The following SCAF11 variants were observed in gnomAD, a reference collection of about 807,000 sequenced individuals.
SCAF11 encodes protein SCAF11.
A neutral mutation model predicts 140.5 loss-of-function variants in SCAF11; 47 were observed. The ratio of observed to expected loss-of-function variants is 0.33; its 90% CI spans 0.26 to 0.43. The LOEUF is 0.43. Ranked by LOEUF, SCAF11 falls within the 20% of genes least tolerant of loss-of-function variation. The pLI, the probability that SCAF11 is intolerant of heterozygous loss-of-function variation, is 1.00. For synonymous variants in SCAF11, 557 were observed against 579.4 expected (o/e 0.96, Z 0.55); for missense variants, 1,645 against 1,705.1 (o/e 0.96, Z 0.62).
chr12:45,968,659 C>T (rs1034513231), intron 1 of SCAF11, among the ~76,000 whole-genome samples: 2 of 152,004 alleles, frequency 1.3e-5, no homozygotes, highest in Non-Finnish European at 2.9e-5. Flanking sequence ...ATGGTAGTGA[C>T]GCAGGGCACA....
In SCAF11 at chr12:45,924,853, C is replaced by T. The variant is rs11574973; in HGVS notation, c.3781G>A (p.Val1261Met). Residue 1261 changes from valine (V) to methionine (M), a missense_variant, in exon 12 of 15, where the codon GTG becomes ATG. Around this residue, in one of 2 missense-constraint regions of SCAF11, gnomAD observed 1,582 missense variants for 1,609.2 expected, o/e 0.98. Coordinates refer to ENST00000369367, the MANE Select transcript of SCAF11 (RefSeq NM_004719.3). ...PQLPLHLHTG[V>M]PLMQVATPTS... Reference sequence around the variant, plus strand: ...GGAGTGGCTACCTGCATGAGGGGCACTCCTGTGTGGAGATGCAAGGGTAGC... The same window carrying T: ...GGAGTGGCTACCTGCATGAGGGGCATTCCTGTGTGGAGATGCAAGGGTAGC... 6.2e-7 allele frequency: 1 copy of T among 1,614,032 alleles called. No homozygotes were observed.
In SCAF11 at chr12:45,972,941, T is replaced by TATATAG. The variant is rs1565689124; in HGVS notation, c.-21-8754_-21-8753insCTATAT. Among the ~76,000 whole-genome samples, 20 of 108,580 alleles carry TATATAG rather than the reference T, an allele frequency of 1.8e-4. 1 individual carries two copies. Among genetic ancestry groups the TATATAG allele is most frequent in the South Asian group, 8.5e-4 (3 of 3,526 alleles). The allele number at this position is 108,580 out of a possible 152,430, so 71.2% of individuals were successfully genotyped here. A position where few individuals can be genotyped will look rare whatever the true frequency, so the allele number is the denominator to read the frequency against. Reference sequence around the variant, plus strand: ...ATATAGATATATAGATATATATAGATATATATATAGATATATAGATATATA... The same window carrying TATATAG: ...ATATAGATATATAGATATATATAGATATATAGATATATATAGATATATAGATATATA... On this transcript the variant is annotated intron_variant, in intron 1 of 14. Transcript: ENST00000369367.
Position 45,951,668 on chromosome 12 carries a change from T to G in SCAF11, c.279A>C (p.Ala93=). 3 of 1,589,068 alleles carry G rather than the reference T, an allele frequency of 1.9e-6. No individual in the cohort carries two copies. Among genetic ancestry groups the G allele is most frequent in the Non-Finnish European group, 2.6e-6 (3 of 1,164,514 alleles). The change falls in exon 4 of 15, where the codon GCA becomes GCC. Residue 93 remains alanine, a synonymous_variant. Transcript: ENST00000369367. ...KPFQAVFKFS[A]LEGYVKVQVK... Reference sequence around the variant, plus strand: ...GACTTACCTTAACATAACCTTCCAATGCACTGAATTTAAACACTGCCTGAA... The same window carrying G: ...GACTTACCTTAACATAACCTTCCAAGGCACTGAATTTAAACACTGCCTGAA...
chr12:45,930,444 TG>T (rs1433521802), intron 10 of SCAF11, among the ~76,000 whole-genome samples: 82 of 148,182 alleles, frequency 5.5e-4, no homozygotes, highest in African/African-American at 2.0e-3. Flanking sequence ...CGTTGTGTTT[TG>T]TTTTTTTTTT....
At chr12:45,985,640 A>G (rs768008525) in intron 1 of SCAF11, among the ~76,000 whole-genome samples, 34 of 152,354 alleles carry the variant, frequency 2.2e-4, no homozygotes, top group Middle Eastern at 6.8e-3. Flanking sequence ...AGGCTACCGA[A>G]AAGATCAAAT....
At chr12:45,937,135 ACTT>A (rs1038011322) in intron 6 of SCAF11, among the ~76,000 whole-genome samples, 112 of 152,056 alleles carry the variant, frequency 7.4e-4, no homozygotes, top group African/African-American at 2.6e-3. Flanking sequence ...CCTTTGTATT[ACTT>A]TTTTAAAAAT....
rs780807854 is a variant in SCAF11, at chr12:45,920,915, A to C, written c.*1133T>G. The C allele has an allele frequency of 6.6e-6, 1 of 152,218 alleles. No homozygotes were observed. Among genetic ancestry groups the C allele is most frequent in the Non-Finnish European group, 1.5e-5 (1 of 68,038 alleles). The allele number at this position is 152,218 out of a possible 1,614,324, so 9.4% of individuals were successfully genotyped here. On this transcript the variant is annotated 3_prime_UTR_variant, in exon 15 of 15. Coordinates refer to ENST00000369367, the MANE Select transcript of SCAF11 (RefSeq NM_004719.3). Reference sequence around the variant, plus strand: ...CAGCAATTCTCGAATTGGCACAAATAATTTATCGTCTGCAACGGGTAGAAG... The same window carrying C: ...CAGCAATTCTCGAATTGGCACAAATCATTTATCGTCTGCAACGGGTAGAAG...
In SCAF11 at chr12:45,990,525, G is replaced by A; in HGVS notation, c.-194C>T. 4 of 1,232,028 alleles carry A rather than the reference G, an allele frequency of 3.2e-6. No individual in the cohort carries two copies. Among genetic ancestry groups the A allele is most frequent in the Non-Finnish European group, 4.0e-6 (4 of 988,252 alleles). The allele number at this position is 1,232,028 out of a possible 1,614,324, so 76.3% of individuals were successfully genotyped here. ...TCGGTCCGGAGGCGGCGGCGAAGCA[G>A]GGAGCGACCCAGGTTGCGCTGCTCC... On this transcript the variant is annotated 5_prime_UTR_variant, in exon 1 of 15. Coordinates refer to ENST00000369367, the MANE Select transcript of SCAF11 (RefSeq NM_004719.3).
intron 1 of SCAF11, among the ~76,000 whole-genome samples, chr12:45,984,083 A>C (rs1229112308): frequency 6.6e-6 from 1 of 152,214 alleles, no homozygotes; most frequent in East Asian, 1.9e-4. Flanking sequence ...ATTGGAGCCC[A>C]AGTTAGTGAG....
At chr12:45,925,111 TTATAA>T in intron 11 of SCAF11, 37 bp from the exon 12 acceptor site, 1 of 1,514,978 alleles carries the variant, frequency 6.6e-7, no homozygotes, top group Non-Finnish European at 9.0e-7. Context: ...AAAAATCATG[TTATAA>T]ATCTCTTTAG....
rs1944693067 is a variant in SCAF11, at chr12:45,920,924, T to C, written c.*1124A>G. 1 of 151,932 alleles carries C rather than the reference T, an allele frequency of 6.6e-6. No individual in the cohort carries two copies. Among genetic ancestry groups the C allele is most frequent in the Non-Finnish European group, 1.5e-5 (1 of 68,026 alleles). 9.4% of individuals were successfully genotyped at this position (151,932 alleles called of 1,614,324 possible). ...TCGAATTGGCACAAATAATTTATCG[T>C]CTGCAACGGGTAGAAGAAGATACTA... On this transcript the variant is annotated 3_prime_UTR_variant, in exon 15 of 15. Coordinates refer to ENST00000369367, the MANE Select transcript of SCAF11 (RefSeq NM_004719.3).
intron 10 of SCAF11, 185 bp from the exon 11 acceptor site, chr12:45,929,044 A>G: frequency 2.7e-6 from 1 of 375,664 alleles, no homozygotes; most frequent in Non-Finnish European, 4.6e-6. Flanking sequence ...AACTTTCTTA[A>G]TGACACTGAA....
At chr12:45,960,242 C>T (rs1002865284) in intron 3 of SCAF11, among the ~76,000 whole-genome samples, 1 of 152,048 alleles carries the variant, frequency 6.6e-6, no homozygotes, top group Admixed American at 6.6e-5. Context: ...GGATGGAGAA[C>T]CATTATCTAC....
At chr12:45,958,639 T>C (rs4768099) in intron 3 of SCAF11, among the ~76,000 whole-genome samples, 29 of 152,314 alleles carry the variant, frequency 1.9e-4, no homozygotes, top group African/African-American at 5.5e-4. Flanking sequence ...TCCTTGAAAC[T>C]AAATATAATC....
rs777956069 is a variant in SCAF11 at position 45,926,753 on chromosome 12, C to T, written c.2948G>A (p.Arg983Gln). Residue 983 changes from arginine to glutamine, a missense_variant, in exon 11 of 15, where the codon CGG becomes CAG. Physicochemically the swap from Arg to Gln is conservative, Grantham distance 43. This residue lies in a region of SCAF11 where 1,582 missense variants were observed against 1,609.2 expected (regional missense o/e 0.98). Transcript: ENST00000369367. Reference sequence around the variant, plus strand: ...TTTCTCTGGGTCATTCTTTCTGTACCGATCATTTCCTCGTGGACATCTCCA... The same window carrying T: ...TTTCTCTGGGTCATTCTTTCTGTACTGATCATTTCCTCGTGGACATCTCCA... ...DGWRCPRGND[R>Q]YRKNDPEKQN... is the part of the protein sequence containing the mutation. 3.7e-5 allele frequency: 60 copies of T among 1,613,942 alleles called. No homozygotes were observed. The Middle Eastern group carries it at 8.2e-4, about 22-fold the overall frequency.
At chr12:45,989,399 T>A (rs1388395555) in intron 1 of SCAF11, among the ~76,000 whole-genome samples, 1 of 152,252 alleles carries the variant, frequency 6.6e-6, no homozygotes, top group Non-Finnish European at 1.5e-5. Flanking sequence ...AGTGGTAGCA[T>A]GTTAGCCAAA....
At chr12:45,924,423 C>T (rs907068033) in intron 12 of SCAF11, among the ~76,000 whole-genome samples, 4 of 152,144 alleles carry the variant, frequency 2.6e-5, no homozygotes, top group Non-Finnish European at 5.9e-5. Context: ...AAAGCACCCA[C>T]CACTCGATTC....
Position 45,945,287 on chromosome 12 carries a change from A to G in SCAF11, c.425T>C (p.Leu142Pro), listed in dbSNP as rs751602063. Residue 142 changes from leucine (L) to proline (P), a missense_variant, in exon 6 of 15, where the codon CTA becomes CCA. Leu to Pro is a moderately conservative substitution (Grantham distance 98). Transcript: ENST00000369367. ...CAAGTCACAAACTTTTGCACTTAAT[A>G]GATCTTCTCTTACGATGGCTTTTCT... ...IRRKAIVREDLLSAKVCDLKW... is the reference protein window; with the variant it reads ...IRRKAIVREDPLSAKVCDLKW... The G allele has an allele frequency of 2.5e-6, 4 of 1,581,166 alleles. No homozygotes were observed. The Admixed American group carries it at 5.7e-5, about 22-fold the overall frequency.
Position 45,928,015 on chromosome 12 carries a change from T to C in SCAF11, c.1686A>G (p.Gln562=). 1.2e-6 allele frequency: 2 copies of C among 1,613,286 alleles called. No homozygotes were observed. The highest frequency in any genetic ancestry group is 1.7e-6 in the Non-Finnish European group (2 of 1,180,008). The stretch of plus-strand genomic sequence containing the variant: ...AGTCACTTAGGGGACAAGATACAGG[T>C]TGGTACACTTTGCTTTCAGATGTTA... ...TCLTSESKVY[Q]PVSCPLSDLS... Residue 562 remains glutamine, a synonymous_variant, in exon 11 of 15, where the codon CAA becomes CAG. Coordinates refer to ENST00000369367, the MANE Select transcript of SCAF11 (RefSeq NM_004719.3).
Sources: gnomAD v4.1 joint callset for allele counts (sites outside exome capture counted in the v4.1 genomes callset) on GRCh38, gnomAD v4.1.1 for gene constraint, gnomAD v4.1.1 regional missense constraint, MANE v1.5 for transcripts, NCBI Gene and HGNC (gene_info 2026-07-23, HGNC 2026-07-21) for gene names.